SDK1: variants seen among roughly 807,000 people sequenced by gnomAD.
The protein encoded by SDK1 is sidekick cell adhesion molecule 1, also known as protein sidekick-1.
In SDK1, 157 loss-of-function variants were observed where a neutral mutation model predicts 245.5. The ratio of observed to expected loss-of-function variants is 0.64; its 90% CI spans 0.56 to 0.73. The LOEUF is 0.73. SDK1 is among the 30% of genes least tolerant of loss of function. SDK1 has a pLI of 0.00. For synonymous variants in SDK1, 1,647 were observed against 1,278.5 expected (o/e 1.29, Z -6.15); for missense variants, 3,583 against 3,002.3 (o/e 1.19, Z -4.52).
intron 27 of SDK1, 23 bp downstream of exon 27, chr7:4,130,120 C>T (rs781196251): frequency 9.7e-6 from 15 of 1,550,460 alleles, no homozygotes; most frequent in Admixed American, 7.4e-5. Context: ...TTCGCGCCTT[C>T]GGGAGCCTTG....
chr7:3,593,840 T>C (rs1044254344), intron 1 of SDK1, among the ~76,000 whole-genome samples: 2 of 152,178 alleles, frequency 1.3e-5, no homozygotes, highest in Non-Finnish European at 2.9e-5. Flanking sequence ...CTTTTCTCTT[T>C]CTGAACCCCT....
intron 1 of SDK1, among the ~76,000 whole-genome samples, chr7:3,607,287 GA>G (rs1781454153): frequency 6.6e-6 from 1 of 152,096 alleles, no homozygotes; most frequent in East Asian, 1.9e-4. Context: ...ATTCCAGGGG[GA>G]AATCATACAT....
At chr7:4,037,389 TGGG>T (rs370743481) in intron 17 of SDK1, among the ~76,000 whole-genome samples, 29 of 151,946 alleles carry the variant, frequency 1.9e-4, no homozygotes, top group African/African-American at 7.0e-4. Context: ...GAGGATGAGG[TGGG>T]GGGATCAGTG....
At chr7:4,204,582 G>T (rs1038534213) in intron 35 of SDK1, among the ~76,000 whole-genome samples, 63 of 152,312 alleles carry the variant, frequency 4.1e-4, no homozygotes, top group African/African-American at 1.4e-3. Flanking sequence ...TCCCAAGAAG[G>T]CCTCTCCAGA....
chr7:4,046,812 T>C (rs7807181), intron 17 of SDK1, among the ~76,000 whole-genome samples: 35,781 of 151,562 alleles, frequency 0.24, 5,854 homozygotes, highest in African/African-American at 0.48. Context: ...AGGAGATATC[T>C]AGCTGTGATT....
At chr7:4,252,025 A>G (rs1032874079) in intron 44 of SDK1, among the ~76,000 whole-genome samples, 1 of 152,252 alleles carries the variant, frequency 6.6e-6, no homozygotes, top group Non-Finnish European at 1.5e-5. Context: ...CATTCCTGCA[A>G]TAAATGCCCA....
intron 35 of SDK1, among the ~76,000 whole-genome samples, chr7:4,198,739 T>C (rs1783721990): frequency 2.6e-5 from 4 of 152,118 alleles, no homozygotes; most frequent in Non-Finnish European, 5.9e-5. Flanking sequence ...TCCAAGTTCA[T>C]ATCGAGCTCA....
chr7:3,617,711 A>G (rs1046914156), intron 1 of SDK1, among the ~76,000 whole-genome samples: 6 of 152,138 alleles, frequency 3.9e-5, no homozygotes, highest in African/African-American at 1.2e-4. Context: ...TACCCTTTTT[A>G]TTAGGACCCC....
rs183670361 is a variant in SDK1 at position 3,676,567 on chromosome 7, T to C, written c.713+34462T>C. ...GTCTCAATCTCCTGACCTTGTGATC[T>C]GCCCACCTTGGCCTCCCAAAGTGCT... On this transcript the variant is annotated intron_variant, in intron 4 of 44. Coordinates refer to ENST00000404826, the MANE Select transcript of SDK1 (RefSeq NM_152744.4). Among the ~76,000 whole-genome samples, 410 of 151,932 alleles carry C rather than the reference T, an allele frequency of 2.7e-3. 3 individuals carry two copies. Among genetic ancestry groups the C allele is most frequent in the Admixed American group, 0.014 (208 of 15,284 alleles).
Position 4,245,733 on chromosome 7 carries a change from C to G in SDK1, c.6309C>G (p.Asn2103Lys). The G allele has an allele frequency of 1.9e-6, 3 of 1,614,110 alleles. No individual in the cohort carries two copies. Among genetic ancestry groups the G allele is most frequent in the Non-Finnish European group, 2.5e-6 (3 of 1,179,996 alleles). ...GLHYSDEDICNKYNGAVLTES... is the reference protein window; with the variant it reads ...GLHYSDEDICKKYNGAVLTES... ...ACTACTCAGACGAGGACATCTGCAACAAGTACAACGGCGCCGTGCTGACCG... is the reference window on the plus strand; with the variant it reads ...ACTACTCAGACGAGGACATCTGCAAGAAGTACAACGGCGCCGTGCTGACCG... Residue 2103 changes from asparagine to lysine, a missense_variant, in exon 44 of 45, where the codon AAC (asparagine) becomes AAG (lysine). Transcript: ENST00000404826.
chr7:3,682,523 C>A (rs73039926), intron 4 of SDK1, among the ~76,000 whole-genome samples: 1 of 150,694 alleles, frequency 6.6e-6, no homozygotes, highest in African/African-American at 2.4e-5. Flanking sequence ...TCAGAACTCA[C>A]GTGTCTGCTG....
chr7:3,410,312 T>G (rs1477998196), intron 1 of SDK1, among the ~76,000 whole-genome samples: 1 of 152,116 alleles, frequency 6.6e-6, no homozygotes, highest in East Asian at 1.9e-4. Context: ...AAAGTTAGCT[T>G]CAGGCTGTGT....
At chr7:3,381,475 T>C (rs999029012) in intron 1 of SDK1, among the ~76,000 whole-genome samples, 1 of 151,448 alleles carries the variant, frequency 6.6e-6, no homozygotes, top group African/African-American at 2.4e-5. Context: ...TGATGCCAAC[T>C]ACGCAGGACA....
At chr7:3,556,678 C>T (rs1414594374) in intron 1 of SDK1, among the ~76,000 whole-genome samples, 1 of 151,960 alleles carries the variant, frequency 6.6e-6, no homozygotes, top group Non-Finnish European at 1.5e-5. Flanking sequence ...AAAATTAAGC[C>T]AGGTGTGGTG....
intron 35 of SDK1, among the ~76,000 whole-genome samples, chr7:4,181,902 T>C (rs969153236): frequency 6.6e-6 from 1 of 152,162 alleles, no homozygotes; most frequent in Non-Finnish European, 1.5e-5. Flanking sequence ...GGCTGAGGCC[T>C]GAAGCACCCT....
intron 1 of SDK1, among the ~76,000 whole-genome samples, chr7:3,404,011 T>G (rs1443615913): frequency 6.6e-6 from 1 of 151,082 alleles, no homozygotes; most frequent in African/African-American, 2.4e-5. Flanking sequence ...ATATAAAAGT[T>G]GTGTTTATGC....
chr7:3,607,998 T>G (rs533531286), intron 1 of SDK1, among the ~76,000 whole-genome samples: 21 of 152,350 alleles, frequency 1.4e-4, no homozygotes, highest in African/African-American at 4.8e-4. Flanking sequence ...ACCTTTGTAC[T>G]TTGTCCCCTT....
At chr7:3,492,230 G>A (rs906330514) in intron 1 of SDK1, among the ~76,000 whole-genome samples, 1 of 152,204 alleles carries the variant, frequency 6.6e-6, no homozygotes, top group African/African-American at 2.4e-5. Context: ...AAATTGTTAT[G>A]TGCTAGGGGA....
At chr7:3,542,596 T>C (rs1303685555) in intron 1 of SDK1, among the ~76,000 whole-genome samples, 3 of 152,234 alleles carry the variant, frequency 2.0e-5, no homozygotes, top group Admixed American at 6.5e-5. Context: ...ATAGCATTGA[T>C]CTTTTAATCA....
Sources: gnomAD v4.1 joint callset for allele counts (sites outside exome capture counted in the v4.1 genomes callset) on GRCh38, gnomAD v4.1.1 for gene constraint, MANE v1.5 for transcripts, NCBI Gene and HGNC (gene_info 2026-07-23, HGNC 2026-07-21) for gene names.